SLIT2: variants seen among roughly 807,000 people sequenced by gnomAD.
SLIT2 encodes the protein slit homolog 2 protein.
A neutral mutation model predicts 185.7 loss-of-function variants in SLIT2; 41 were observed. The ratio of observed to expected loss-of-function variants is 0.22; its 90% CI spans 0.17 to 0.29. The LOEUF (loss-of-function observed/expected upper bound fraction) is 0.29. SLIT2 is among the 10% of genes least tolerant of loss of function. SLIT2 has a pLI of 1.00. For synonymous variants in SLIT2, 693 were observed against 680.2 expected (o/e 1.02, Z -0.29); for missense variants, 1,571 against 1,909.0 (o/e 0.82, Z 3.30).
At position 20,510,513 on chromosome 4, in the gene SLIT2, A is replaced by T. The variant is rs772700192; in HGVS notation, c.933A>T (p.Thr311=). The change falls in exon 10 of 37, where the codon ACA becomes ACT. Residue 311 remains threonine, a synonymous_variant. Coordinates refer to ENST00000504154, the MANE Select transcript of SLIT2 (RefSeq NM_004787.4). ...TITEIRLEQN[T]IKVIPPGAFS... is the part of the protein sequence containing the mutation. ...ATTGCAGACGTTTGGAACAGAACAC[A>T]ATCAAAGTCATCCCTCCTGGAGCTT... The T allele has an allele frequency of 1.9e-6, 3 of 1,611,574 alleles. No individual in the cohort carries two copies. The South Asian group carries it at 3.3e-5, about 18-fold the overall frequency.
chr4:20,487,205 T>C (rs1211881463), intron 7 of SLIT2, among the ~76,000 whole-genome samples: 2 of 152,232 alleles, frequency 1.3e-5, no homozygotes, highest in African/African-American at 4.8e-5. Context: ...TAATAACACA[T>C]CATTATAATT....
chr4:20,521,247 A>G (rs1720815710), intron 12 of SLIT2, among the ~76,000 whole-genome samples: 2 of 152,232 alleles, frequency 1.3e-5, no homozygotes, highest in African/African-American at 4.8e-5. Flanking sequence ...AGCCATCTTT[A>G]TAAAGTTTCA....
chr4:20,256,640 A>G (rs1577329348), intron 1 of SLIT2, 32 bp from the exon 2 acceptor site: 4 of 1,133,988 alleles, frequency 3.5e-6, no homozygotes, highest in East Asian at 2.4e-5. Context: ...TAGAAATAAA[A>G]TGGAACTTTC....
intron 18 of SLIT2, among the ~76,000 whole-genome samples, chr4:20,535,406 T>C (rs1252276087): frequency 2.0e-5 from 3 of 151,550 alleles, no homozygotes; most frequent in Admixed American, 2.0e-4. Flanking sequence ...TCAGGTAAAA[T>C]ACAAATATTA....
chr4:20,582,485 G>T (rs1333359684), intron 29 of SLIT2, among the ~76,000 whole-genome samples: 1 of 152,196 alleles, frequency 6.6e-6, no homozygotes, highest in East Asian at 1.9e-4. Flanking sequence ...ACTGAAGCCA[G>T]TTGCTATCAA....
chr4:20,574,492 T>C (rs796933370), intron 29 of SLIT2, among the ~76,000 whole-genome samples: 10 of 152,162 alleles, frequency 6.6e-5, no homozygotes, highest in African/African-American at 2.4e-4. Flanking sequence ...ATGAGGATAA[T>C]AAGGAAGTTA....
intron 4 of SLIT2, among the ~76,000 whole-genome samples, chr4:20,388,534 G>T (rs1161585397): frequency 6.6e-6 from 1 of 152,040 alleles, no homozygotes; most frequent in Admixed American, 6.6e-5. Flanking sequence ...AGCACTTTGG[G>T]AGGCCGAGGC....
intron 18 of SLIT2, among the ~76,000 whole-genome samples, chr4:20,534,473 T>A (rs1722092182): frequency 6.6e-6 from 1 of 152,216 alleles, no homozygotes; most frequent in South Asian, 2.1e-4. Flanking sequence ...TTGTATTACT[T>A]GAATTTTTCA....
chr4:20,401,174 T>G (rs1726328111), intron 4 of SLIT2, among the ~76,000 whole-genome samples: 1 of 151,880 alleles, frequency 6.6e-6, no homozygotes, highest in African/African-American at 2.4e-5. Context: ...GAATAAAGTC[T>G]AAGTTGTTGG....
chr4:20,328,930 A>G (rs978723580), intron 4 of SLIT2, among the ~76,000 whole-genome samples: 2 of 152,066 alleles, frequency 1.3e-5, no homozygotes, highest in Non-Finnish European at 2.9e-5. Flanking sequence ...GGGAGCGTGG[A>G]AAGTGGGGAG....
In SLIT2 at chr4:20,472,353, G is replaced by T. The variant is rs570670996; in HGVS notation, c.467+4530G>T. 8.5e-3 allele frequency among the ~76,000 whole-genome samples: 174 copies of T among 20,436 alleles called. 7 individuals carry two copies. The highest frequency in any genetic ancestry group is 0.083 in the Middle Eastern group (2 of 24). 13.4% of individuals were successfully genotyped at this position (20,436 alleles called of 152,430 possible). On this transcript the variant is annotated intron_variant, in intron 5 of 36. Transcript: ENST00000504154. ...ATATATAGATCTATATATAGATATAGATATCTATATAGATATCTATATCTA... is the reference window on the plus strand; with the variant it reads ...ATATATAGATCTATATATAGATATATATATCTATATAGATATCTATATCTA...
At chr4:20,567,225 GA>G in intron 26 of SLIT2, 36 bp from the exon 27 acceptor site, 1 of 1,570,344 alleles carries the variant, frequency 6.4e-7, no homozygotes, top group Non-Finnish European at 8.6e-7. Flanking sequence ...TAAACTGGAA[GA>G]GCGTCAGTTG....
At chr4:20,574,726 G>T (rs1007450242) in intron 29 of SLIT2, among the ~76,000 whole-genome samples, 5 of 149,622 alleles carry the variant, frequency 3.3e-5, no homozygotes, top group African/African-American at 1.2e-4. Flanking sequence ...GGCAGAGGTT[G>T]CAGTGAGCCG....
intron 33 of SLIT2, among the ~76,000 whole-genome samples, chr4:20,599,271 GACTA>G (rs113450345): frequency 0.032 from 4,943 of 152,192 alleles, 103 homozygotes; most frequent in Non-Finnish European, 0.045. Context: ...TATTGCATAA[GACTA>G]ACTATCAGAG....
chr4:20,547,142 G>A (rs1723318669), intron 22 of SLIT2, among the ~76,000 whole-genome samples: 1 of 152,034 alleles, frequency 6.6e-6, no homozygotes, highest in Admixed American at 6.6e-5. Flanking sequence ...AAAGTAAATA[G>A]GAGTATTTAA....
chr4:20,517,009 C>A (rs1720274910), intron 11 of SLIT2, among the ~76,000 whole-genome samples: 2 of 152,156 alleles, frequency 1.3e-5, no homozygotes, highest in Admixed American at 6.5e-5. Context: ...CATCTCCTAG[C>A]TTGTTCTCCT....
At chr4:20,597,927 TGTA>T (rs762428456) in intron 32 of SLIT2, among the ~76,000 whole-genome samples, 1 of 152,200 alleles carries the variant, frequency 6.6e-6, no homozygotes, top group Non-Finnish European at 1.5e-5. Flanking sequence ...TCTTTGACAA[TGTA>T]GTCATTTTTC....
intron 4 of SLIT2, among the ~76,000 whole-genome samples, chr4:20,329,655 C>T (rs1719899647): frequency 6.6e-6 from 1 of 152,056 alleles, no homozygotes; most frequent in East Asian, 1.9e-4. Context: ...GGATTTTGCT[C>T]ACATCTCTCA....
intron 4 of SLIT2, among the ~76,000 whole-genome samples, chr4:20,419,715 A>G (rs1728016642): frequency 8.5e-6 from 1 of 117,816 alleles, no homozygotes; most frequent in Admixed American, 8.2e-5. Flanking sequence ...GTGTGTTGCA[A>G]AAATAAATAC....
Sources: allele counts gnomAD v4.1 joint callset (sites outside exome capture counted in the v4.1 genomes callset), GRCh38; gene constraint gnomAD v4.1.1; transcripts MANE v1.5; gene names NCBI Gene and HGNC (gene_info 2026-07-23, HGNC 2026-07-21).